NEK10: variants seen among roughly 807,000 people sequenced by gnomAD.
NEK10 encodes NIMA related kinase 10, also known as serine/threonine-protein kinase Nek10.
A neutral mutation model predicts 159.8 loss-of-function variants in NEK10; 122 were observed. That is an observed-to-expected ratio of 0.76 (90% CI 0.66 to 0.89). The LOEUF (loss-of-function observed/expected upper bound fraction) is 0.89. Ranked by LOEUF, NEK10 falls within the 40% of genes least tolerant of loss-of-function variation. The pLI is 0.00. For missense variants in NEK10, 1,342 were observed against 1,323.1 expected (o/e 1.01, Z -0.22); for synonymous variants, 466 against 457.1 (o/e 1.02, Z -0.25).
intron 22 of NEK10, among the ~76,000 whole-genome samples, chr3:27,260,704 G>C (rs1488821549): frequency 1.3e-5 from 2 of 152,170 alleles, no homozygotes; most frequent in Non-Finnish European, 2.9e-5. Context: ...GTCTCTGCCA[G>C]GCTTTGGTAT....
At chr3:27,238,761 G>GTGTA (rs1356275435) in intron 23 of NEK10, among the ~76,000 whole-genome samples, 8 of 146,768 alleles carry the variant, frequency 5.5e-5, no homozygotes, top group Admixed American at 3.4e-4. Context: ...GTGTGTGTGT[G>GTGTA]TGTGTGTGTG....
At chr3:27,150,060 C>A (rs1054986980) in intron 30 of NEK10, among the ~76,000 whole-genome samples, 6 of 152,158 alleles carry the variant, frequency 3.9e-5, no homozygotes, top group African/African-American at 1.4e-4. Flanking sequence ...AGGCCCCAAC[C>A]CTCTTCAACT....
intron 29 of NEK10, among the ~76,000 whole-genome samples, chr3:27,163,351 C>G (rs1946192668): frequency 6.6e-6 from 1 of 151,060 alleles, no homozygotes; most frequent in South Asian, 2.1e-4. Context: ...ACCCTAGAAC[C>G]AATTTTTCTT....
chr3:27,185,189 C>T (rs1418799080), intron 26 of NEK10, among the ~76,000 whole-genome samples: 1 of 152,136 alleles, frequency 6.6e-6, no homozygotes, highest in Non-Finnish European at 1.5e-5. Context: ...GCCTGCTCCT[C>T]CAAAGTAGAT....
chr3:27,131,898 C>A lies in NEK10; in HGVS notation c.3063G>T (p.Leu1021Phe). 1 of 1,585,920 alleles carries A rather than the reference C, an allele frequency of 6.3e-7. No homozygotes were observed. The highest frequency in any genetic ancestry group is 8.6e-7 in the Non-Finnish European group (1 of 1,156,666). The change falls in exon 32 of 36, where the codon TTG (leucine) becomes TTT (phenylalanine). Residue 1021 changes from leucine (L) to phenylalanine (F), a missense_variant. By Grantham distance (22) the Leu-to-Phe change is conservative. Transcript: ENST00000691995. ...ACCATACCTTTTTAATTTCAGATTT[C>A]AAATTACAAGGGTTACTCTGCTGGC... ...LFSQQSNPCN[L>F]KSEIKKLSQG...
At chr3:27,276,934 C>T (rs2041817473) in intron 22 of NEK10, among the ~76,000 whole-genome samples, 2 of 152,274 alleles carry the variant, frequency 1.3e-5, no homozygotes, top group South Asian at 4.2e-4. Context: ...ACTATAGAGG[C>T]TGGAAGCTCA....
chr3:27,136,573 T>C (rs1340151859), intron 31 of NEK10, among the ~76,000 whole-genome samples: 1 of 152,132 alleles, frequency 6.6e-6, no homozygotes, highest in Non-Finnish European at 1.5e-5. Flanking sequence ...AAAGGTAACA[T>C]ATGTACTTTA....
intron 7 of NEK10, among the ~76,000 whole-genome samples, chr3:27,313,175 G>T (rs1022153622): frequency 2.0e-5 from 3 of 149,924 alleles, no homozygotes; most frequent in African/African-American, 7.5e-5. Flanking sequence ...TGAGGCACAA[G>T]AATCACTTGA....
chr3:27,161,346 C>T (rs1411393676), intron 30 of NEK10, among the ~76,000 whole-genome samples: 1 of 152,150 alleles, frequency 6.6e-6, no homozygotes, highest in Non-Finnish European at 1.5e-5. Flanking sequence ...TCTATGCTGA[C>T]ATTGTAATGG....
chr3:27,282,802 T>C (rs1266824168), intron 22 of NEK10, among the ~76,000 whole-genome samples: 2 of 150,520 alleles, frequency 1.3e-5, no homozygotes, highest in Non-Finnish European at 3.0e-5. Context: ...TAATAATCCT[T>C]ATTAACTTAT....
At chr3:27,174,406 C>T (rs1048764752) in intron 28 of NEK10, 33 bp downstream of exon 28, 1 of 1,608,152 alleles carries the variant, frequency 6.2e-7, no homozygotes, top group Non-Finnish European at 8.5e-7. Context: ...TTCCGGAATC[C>T]CACAAACAGC....
chr3:27,202,516 T>TG lies in NEK10; in HGVS notation c.2131_2132insC (p.Asp711AlafsTer23). ...AAGGATGCAGCCTACTGCCCAGACA[T>TG]CAGCCTTCTCCCCATACGGCTCACT... On this transcript the variant is annotated frameshift_variant, in exon 24 of 36. Coordinates refer to ENST00000691995, the MANE Select transcript of NEK10 (RefSeq NM_001394966.1). LOFTEE classifies it high-confidence loss of function. The TG allele has an allele frequency of 6.2e-7, 1 of 1,612,726 alleles. No homozygotes were observed.
rs145492435 is a variant in NEK10 at position 27,130,018 on chromosome 3, C to G, written c.3081+1862G>C. 5.0e-3 allele frequency among the ~76,000 whole-genome samples: 757 copies of G among 152,246 alleles called. 8 individuals carry two copies. Among genetic ancestry groups the G allele is most frequent in the African/African-American group, 0.018 (739 of 41,568 alleles). On this transcript the variant is annotated intron_variant, in intron 32 of 35. Transcript: ENST00000691995. Reference sequence around the variant, plus strand: ...CTCTCTGACTAAGAGGATACACCCCCATGAAGGTATCATCCAACTTCATGG... The same window carrying G: ...CTCTCTGACTAAGAGGATACACCCCGATGAAGGTATCATCCAACTTCATGG...
intron 22 of NEK10, among the ~76,000 whole-genome samples, chr3:27,266,895 G>C (rs956900468): frequency 1.3e-5 from 2 of 152,180 alleles, no homozygotes; most frequent in Non-Finnish European, 2.9e-5. Flanking sequence ...CCTAGAGGCA[G>C]CTTCGTAGAC....
intron 23 of NEK10, among the ~76,000 whole-genome samples, chr3:27,248,256 CT>C (rs1216802917): frequency 6.6e-6 from 1 of 151,684 alleles, no homozygotes; most frequent in African/African-American, 2.4e-5. Context: ...GGTCTTCTCC[CT>C]TTTTTTTAGT....
At chr3:27,154,660 T>A (rs956519734) in intron 30 of NEK10, among the ~76,000 whole-genome samples, 2 of 152,162 alleles carry the variant, frequency 1.3e-5, no homozygotes, top group African/African-American at 4.8e-5. Flanking sequence ...AGTCAATAAA[T>A]GTGATATACC....
At chr3:27,124,776 G>A (rs932727789) in intron 32 of NEK10, among the ~76,000 whole-genome samples, 6 of 152,280 alleles carry the variant, frequency 3.9e-5, no homozygotes, top group African/African-American at 9.6e-5. Flanking sequence ...TCTAATTCCC[G>A]ACATGCCAGA....
Position 27,202,548 on chromosome 3 carries a change from T to C in NEK10, c.2100A>G (p.Val700=), listed in dbSNP as rs1950145041. ...TCTCCCCATACGGCTCACTCTTCAG[T>C]ACCTCGGGGCTGAAGTAAAATAAGG... is the stretch of plus-strand genomic sequence containing the variant. ...VGTILYSCPE[V]LKSEPYGEKA... is the part of the protein sequence containing the mutation. Residue 700 remains valine, a synonymous_variant, in exon 24 of 36, where the codon GTA becomes GTG. Transcript: ENST00000691995. 6.2e-7 allele frequency: 1 copy of C among 1,607,288 alleles called. No homozygotes were observed. The highest frequency in any genetic ancestry group is 8.5e-7 in the Non-Finnish European group (1 of 1,176,144).
At chr3:27,191,013 A>G (rs1364643744) in intron 26 of NEK10, among the ~76,000 whole-genome samples, 1 of 152,212 alleles carries the variant, frequency 6.6e-6, no homozygotes, top group East Asian at 1.9e-4. Context: ...AAGATGAAAG[A>G]GTTTCCTTCC....
Sources: allele counts gnomAD v4.1 joint callset (sites outside exome capture counted in the v4.1 genomes callset), GRCh38; gene constraint gnomAD v4.1.1; transcripts MANE v1.5; gene names NCBI Gene and HGNC (gene_info 2026-07-23, HGNC 2026-07-21).